Variants in JMJD1C observed in about 807,000 individuals in gnomAD.
JMJD1C encodes the protein jumonji domain containing 1C.
In JMJD1C, 31 loss-of-function variants were observed where a neutral mutation model predicts 245.3. The observed-to-expected ratio is 0.13, with a 90% confidence interval of 0.09 to 0.17. The LOEUF (loss-of-function observed/expected upper bound fraction) is 0.17. Among genes scored for constraint, JMJD1C ranks in the 10% least tolerant of loss-of-function variants. The probability of loss-of-function intolerance (pLI) is 1.00; values close to 1 mark genes in which losing one functional copy is unlikely to be tolerated. For synonymous variants in JMJD1C, 1,057 were observed against 1,017.4 expected (o/e 1.04, Z -0.74); for missense variants, 2,691 against 3,000.2 (o/e 0.90, Z 2.41).
At chr10:63,243,840 A>C (rs963739764) in intron 3 of JMJD1C, among the ~76,000 whole-genome samples, 1 of 152,160 alleles carries the variant, frequency 6.6e-6, no homozygotes. Flanking sequence ...AGCAGATAAT[A>C]AGAGAATTGG....
At chr10:63,407,831 A>C (rs1226030831) in intron 1 of JMJD1C, among the ~76,000 whole-genome samples, 1 of 150,790 alleles carries the variant, frequency 6.6e-6, no homozygotes, top group African/African-American at 2.4e-5. Flanking sequence ...AAAAAAAAAA[A>C]CAGAAAAAAA....
chr10:63,465,451 G>A (rs1283969028), intron 1 of JMJD1C, 44 bp downstream of exon 1: 2 of 1,530,804 alleles, frequency 1.3e-6, no homozygotes, highest in East Asian at 2.3e-5. Context: ...GCGAGAGCCG[G>A]GTGCGGGCGC....
intron 2 of JMJD1C, among the ~76,000 whole-genome samples, chr10:63,366,774 G>A (rs1430731301): frequency 6.6e-6 from 1 of 152,206 alleles, no homozygotes; most frequent in East Asian, 1.9e-4. Flanking sequence ...CAGTGGGACT[G>A]AGAAATGATG....
intron 1 of JMJD1C, among the ~76,000 whole-genome samples, chr10:63,424,439 T>C (rs539265803): frequency 2.6e-4 from 40 of 152,138 alleles, no homozygotes; most frequent in Non-Finnish European, 3.7e-4. Context: ...AAATCAGTGT[T>C]GTTTTAAAGT....
intron 1 of JMJD1C, among the ~76,000 whole-genome samples, chr10:63,515,580 G>C (rs908164136): frequency 2.2e-4 from 34 of 152,158 alleles, no homozygotes; most frequent in Non-Finnish European, 2.1e-4. Context: ...CTGATCCTCG[G>C]TTTCTGCTTC....
Position 63,311,064 on chromosome 10 carries a change from G to T in JMJD1C, c.334-46300C>A, listed in dbSNP as rs190708847. On this transcript the variant is annotated intron_variant, in intron 2 of 25. Transcript: ENST00000399262. ...GATGTATGAGAATGTCTAGTAAATG[G>T]GTATGATCTAAACTCAGTAATTCCG... Among the ~76,000 whole-genome samples the T allele has an allele frequency of 6.8e-3, 1,035 of 152,090 alleles. 6 individuals are homozygous for T. The highest frequency in any genetic ancestry group is 0.027 in the Middle Eastern group (8 of 294).
chr10:63,337,635 A>AAAAGAAAAG (rs1942969441), intron 2 of JMJD1C, among the ~76,000 whole-genome samples: 1 of 144,902 alleles, frequency 6.9e-6, no homozygotes, highest in African/African-American at 2.7e-5. Flanking sequence ...AAAAGAAAAG[A>AAAAGAAAAG]AAAAAAATCC....
At chr10:63,430,887 G>A (rs771809693) in intron 1 of JMJD1C, among the ~76,000 whole-genome samples, 20 of 152,140 alleles carry the variant, frequency 1.3e-4, no homozygotes, top group Non-Finnish European at 2.5e-4. Flanking sequence ...GGGACTACAA[G>A]GTGTTTAACA....
intron 2 of JMJD1C, chr10:63,380,105 A>AT (rs34420480): frequency 0.044 from 14,663 of 331,160 alleles, 308 homozygotes; most frequent in East Asian, 0.17. Flanking sequence ...ACATCCAGCT[A>AT]TTTTTTTTTT....
chr10:63,353,150 T>C lies in JMJD1C; in HGVS notation c.333+27168A>G, dbSNP rs868642169. ...ACCATGGGTGTAGACAGCCCTTTCATGAAGACATAAAGTAATATCTGAACT... is the reference window on the plus strand; with the variant it reads ...ACCATGGGTGTAGACAGCCCTTTCACGAAGACATAAAGTAATATCTGAACT... On this transcript the variant is annotated intron_variant, in intron 2 of 25. Transcript: ENST00000399262. Among the ~76,000 whole-genome samples the C allele has an allele frequency of 1.4e-4, 21 of 152,328 alleles. No individual in the cohort carries two copies. In the Middle Eastern group the frequency reaches 0.01, roughly 74 times the overall value.
intron 2 of JMJD1C, among the ~76,000 whole-genome samples, chr10:63,320,873 T>C (rs1164992251): frequency 1.3e-5 from 2 of 152,180 alleles, no homozygotes; most frequent in Admixed American, 6.5e-5. Context: ...AGCCCCAGGA[T>C]GGTGCTTGTT....
At chr10:63,517,973 A>G (rs1459331848) in intron 1 of JMJD1C, among the ~76,000 whole-genome samples, 2 of 151,984 alleles carry the variant, frequency 1.3e-5, no homozygotes, top group African/African-American at 4.8e-5. Context: ...TTGTATTTTT[A>G]GTAGAGATGA....
intron 3 of JMJD1C, among the ~76,000 whole-genome samples, chr10:63,231,033 A>C (rs1447364469): frequency 1.3e-5 from 2 of 152,228 alleles, no homozygotes; most frequent in African/African-American, 4.8e-5. Flanking sequence ...GCAGAATTTT[A>C]AATTATTATA....
intron 1 of JMJD1C, among the ~76,000 whole-genome samples, chr10:63,477,884 TAAAA>T (rs200458828): frequency 6.6e-6 from 1 of 151,642 alleles, no homozygotes; most frequent in East Asian, 1.9e-4. Context: ...AACTCAATAA[TAAAA>T]AAAACAAATT....
chr10:63,468,219 G>C (rs2133141091), upstream of JMJD1C, among the ~76,000 whole-genome samples: 1 of 152,208 alleles, frequency 6.6e-6, no homozygotes, highest in Non-Finnish European at 1.5e-5. Context: ...TTAGAACTCT[G>C]GTCCAAATTC....
At chr10:63,311,936 CTTAA>C (rs1304913789) in intron 2 of JMJD1C, among the ~76,000 whole-genome samples, 3 of 152,132 alleles carry the variant, frequency 2.0e-5, no homozygotes, top group African/African-American at 4.8e-5. Flanking sequence ...TATGCTTTCA[CTTAA>C]TTGTTTCTTC....
chr10:63,174,270 A>G (rs995083890), intron 24 of JMJD1C, among the ~76,000 whole-genome samples: 18 of 152,246 alleles, frequency 1.2e-4, no homozygotes, highest in Admixed American at 6.5e-5. Flanking sequence ...TTATTGCCCC[A>G]AAGTGGAAAA....
At chr10:63,495,230 G>C (rs1320191912) in intron 1 of JMJD1C, among the ~76,000 whole-genome samples, 1 of 151,490 alleles carries the variant, frequency 6.6e-6, no homozygotes, top group Non-Finnish European at 1.5e-5. Context: ...GTTGATTCCA[G>C]GTCTGGGTCA....
rs371606136 is a variant in JMJD1C at position 63,407,407 on chromosome 10, T to G, written c.169-26925A>C. 3.4e-4 allele frequency among the ~76,000 whole-genome samples: 52 copies of G among 152,276 alleles called. No individual in the cohort carries two copies. The South Asian group carries it at 9.5e-3, about 28-fold the overall frequency. ...CTTCTTTCCTCATAGGGCATAACTC[T>G]GAAAGCCAGATAAAGCACTGACAGA... On this transcript the variant is annotated intron_variant, in intron 1 of 25. Coordinates refer to ENST00000399262, the MANE Select transcript of JMJD1C (RefSeq NM_032776.3).
Sources: allele counts gnomAD v4.1 joint callset (sites outside exome capture counted in the v4.1 genomes callset), GRCh38; gene constraint gnomAD v4.1.1; transcripts MANE v1.5; gene names NCBI Gene and HGNC (gene_info 2026-07-23, HGNC 2026-07-21).